Variants in MTMR14 observed in about 807,000 individuals in gnomAD.
The protein encoded by MTMR14 is phosphatidylinositol-3,5-bisphosphate 3-phosphatase MTMR14.
In MTMR14, 48 loss-of-function variants were observed where a neutral mutation model predicts 86.3. The observed-to-expected ratio is 0.56, with a 90% CI of 0.44 to 0.71. MTMR14 has a LOEUF of 0.71. MTMR14 is among the 30% of genes least tolerant of loss of function. MTMR14 has a pLI of 0.00. For synonymous variants in MTMR14, 366 were observed against 326.1 expected, an observed-to-expected ratio of 1.12 and a Z score of -1.32; for missense variants, 780 against 834.6, an observed-to-expected ratio of 0.93 and a Z score of 0.81.
intron 2 of MTMR14, among the ~76,000 whole-genome samples, chr3:9,656,787 T>TTG (rs1183391997): frequency 2.0e-5 from 3 of 152,072 alleles, no homozygotes; most frequent in Non-Finnish European, 4.4e-5. Flanking sequence ...TTGTTTTGTT[T>TTG]TCTTTGTTTT....
intron 7 of MTMR14, among the ~76,000 whole-genome samples, chr3:9,672,979 C>G (rs1242335975): frequency 2.6e-5 from 4 of 152,226 alleles, no homozygotes; most frequent in African/African-American, 9.6e-5. Flanking sequence ...GGATTTTGTA[C>G]TGTCACTGGT....
In MTMR14 at chr3:9,684,936, A is replaced by G. The variant is rs2075888954; in HGVS notation, c.1099A>G (p.Thr367Ala). ...SLKPTEILYL[T>A]VAYDWFLFGH... ...GAAGCCCACTGAGATCCTCTACCTC[A>G]CTGTGGCCTATGACTGGTTCCTCTT... The change falls in exon 12 of 19, where the codon ACT becomes GCT. Residue 367 changes from threonine (T) to alanine (A), a missense_variant. By Grantham distance (58) the Thr-to-Ala change is moderately conservative. Transcript: ENST00000296003. 7 of 1,613,962 alleles carry G rather than the reference A, an allele frequency of 4.3e-6. No individual in the cohort carries two copies. The highest frequency in any genetic ancestry group is 5.1e-6 in the Non-Finnish European group (6 of 1,179,956).
intron 2 of MTMR14, among the ~76,000 whole-genome samples, chr3:9,657,969 G>T (rs1386557139): frequency 6.6e-6 from 1 of 152,226 alleles, no homozygotes; most frequent in Non-Finnish European, 1.5e-5. Flanking sequence ...GTACCTGTCT[G>T]CCTTATCTTT....
Position 9,677,181 on chromosome 3 carries a change from T to A in MTMR14, c.752-136T>A. 3 of 755,516 alleles carry A rather than the reference T, an allele frequency of 4.0e-6. No individual in the cohort carries two copies. Among genetic ancestry groups the A allele is most frequent in the Middle Eastern group, 3.0e-4 (1 of 3,290 alleles). 46.8% of individuals were successfully genotyped at this position (755,516 alleles called of 1,614,324 possible). ...CCACCCGTGTCAGCCTTGGCCTCAC[T>A]GAAGCCACTAGCTTGGAGAAGTGTG... is the stretch of plus-strand genomic sequence containing the variant. On this transcript the variant is annotated intron_variant, in intron 7 of 18. Transcript: ENST00000296003. The surrounding 1 kb of genome is among the most constrained non-coding windows in gnomAD (Gnocchi z 4.2).
At chr3:9,658,325 A>G (rs2047728262) in intron 2 of MTMR14, among the ~76,000 whole-genome samples, 1 of 152,194 alleles carries the variant, frequency 6.6e-6, no homozygotes, top group African/African-American at 2.4e-5. Flanking sequence ...CTGTTAAGGA[A>G]CCTCTCCAAT....
chr3:9,661,216 C>T (rs1237105507), intron 2 of MTMR14, among the ~76,000 whole-genome samples: 1 of 152,234 alleles, frequency 6.6e-6, no homozygotes, highest in East Asian at 1.9e-4. Flanking sequence ...TCTAAAACAG[C>T]ACTCCCCAAC....
At chr3:9,684,007 G>C (rs190916801) in intron 10 of MTMR14, among the ~76,000 whole-genome samples, 2 of 152,120 alleles carry the variant, frequency 1.3e-5, no homozygotes, top group Non-Finnish European at 2.9e-5. Flanking sequence ...TGAACTAGTC[G>C]CTGGAGGGAG....
intron 2 of MTMR14, among the ~76,000 whole-genome samples, chr3:9,655,585 T>A (rs1362779064): frequency 1.4e-5 from 2 of 147,388 alleles, no homozygotes; most frequent in Non-Finnish European, 1.5e-5. Flanking sequence ...CTCAGCCTCC[T>A]GAGTAGCTGG....
intron 17 of MTMR14, among the ~76,000 whole-genome samples, chr3:9,694,834 T>C (rs986188924): frequency 3.3e-5 from 5 of 151,734 alleles, no homozygotes; most frequent in African/African-American, 1.2e-4. Flanking sequence ...ATCGGGGGAG[T>C]TGGGAGCCGG....
intron 4 of MTMR14, among the ~76,000 whole-genome samples, chr3:9,669,044 G>T (rs1291197293): frequency 6.6e-6 from 1 of 151,888 alleles, no homozygotes; most frequent in Non-Finnish European, 1.5e-5. Flanking sequence ...GGAGGCTGAG[G>T]CAGGAGAATC....
chr3:9,664,519 T>G (rs1157861312), intron 3 of MTMR14, among the ~76,000 whole-genome samples: 1 of 151,946 alleles, frequency 6.6e-6, no homozygotes, highest in Non-Finnish European at 1.5e-5. Flanking sequence ...AACAGATGAA[T>G]GGATAAAGAA....
chr3:9,662,735 ATTG>A (rs1368655747), intron 3 of MTMR14, among the ~76,000 whole-genome samples: 3 of 152,246 alleles, frequency 2.0e-5, no homozygotes, highest in South Asian at 2.1e-4. Context: ...GAGTTCCTAT[ATTG>A]TTTTTCCATT....
rs1347518463 is a variant in MTMR14 at position 9,677,259 on chromosome 3, G to A, written c.752-58G>A. 2.0e-6 allele frequency: 3 copies of A among 1,535,474 alleles called. No individual in the cohort carries two copies. The highest frequency in any genetic ancestry group is 2.3e-5 in the East Asian group (1 of 44,422). On this transcript the variant is annotated intron_variant, in intron 7 of 18. Coordinates refer to ENST00000296003, the MANE Select transcript of MTMR14 (RefSeq NM_001077525.3). The surrounding 1 kb of genome is among the most constrained non-coding windows in gnomAD (Gnocchi z 4.2). ...CAGGGACCTGGGTCTGGCCAGGGCT[G>A]TCTCAGAAGACTTTGGGCTGGGAAG...
At position 9,690,072 on chromosome 3, in the gene MTMR14, C is replaced by T. The variant is rs1347384879; in HGVS notation, c.1542C>T (p.Ser514=). 7 of 1,613,384 alleles carry T rather than the reference C, an allele frequency of 4.3e-6. No individual in the cohort carries two copies. Among genetic ancestry groups the T allele is most frequent in the Non-Finnish European group, 5.9e-6 (7 of 1,180,018 alleles). The stretch of plus-strand genomic sequence containing the variant: ...GGCTGGCGGAAGCCAGGTCTTCCAG[C>T]TCCTCTTCCTCAAACCATTCTGATA... ...QQGLAEARSS[S]SSSSNHSDNF... Residue 514 remains serine (S), a synonymous_variant, in exon 17 of 19, where the codon AGC becomes AGT. Coordinates refer to ENST00000296003, the MANE Select transcript of MTMR14 (RefSeq NM_001077525.3).
chr3:9,667,903 G>A (rs1378194986), intron 3 of MTMR14, among the ~76,000 whole-genome samples: 1 of 152,122 alleles, frequency 6.6e-6, no homozygotes, highest in African/African-American at 2.4e-5. Flanking sequence ...TTCACTCCCT[G>A]TCTGTCACCT....
intron 7 of MTMR14, among the ~76,000 whole-genome samples, chr3:9,676,608 A>G (rs958382569): frequency 6.6e-6 from 1 of 152,246 alleles, no homozygotes; most frequent in African/African-American, 2.4e-5. Context: ...TAGAGACATT[A>G]AACAACTTGT....
intron 3 of MTMR14, among the ~76,000 whole-genome samples, chr3:9,665,279 C>CAAAAA (rs748046896): frequency 1.5e-5 from 1 of 67,000 alleles, no homozygotes; most frequent in Non-Finnish European, 3.3e-5. Context: ...GAGACTGTCT[C>CAAAAA]AAAAAAAAAA....
intron 3 of MTMR14, among the ~76,000 whole-genome samples, chr3:9,668,029 C>T (rs1158152948): frequency 1.3e-5 from 2 of 152,174 alleles, no homozygotes; most frequent in Non-Finnish European, 2.9e-5. Flanking sequence ...TTCCCCCCAC[C>T]CAACTAGATT....
Position 9,669,430 on chromosome 3 carries a change from A to G in MTMR14, c.494-2A>G. ...GTACTGACAGATAGGTTTCTCTGGC[A>G]GGGGGTGCAGATGATGCCTGGGCAG... On this transcript the variant is annotated splice_acceptor_variant, in intron 4 of 18. Transcript: ENST00000296003. LOFTEE classifies it high-confidence loss of function. 6.2e-7 allele frequency: 1 copy of G among 1,613,842 alleles called. No homozygotes were observed. Among genetic ancestry groups the G allele is most frequent in the Non-Finnish European group, 8.5e-7 (1 of 1,179,850 alleles).
Sources: allele counts gnomAD v4.1 joint callset (sites outside exome capture counted in the v4.1 genomes callset), GRCh38; gene constraint gnomAD v4.1.1; non-coding constraint Gnocchi (gnomAD v3.1); transcripts MANE v1.5; gene names NCBI Gene and HGNC (gene_info 2026-07-23, HGNC 2026-07-21).